PIK3C2G: variants seen among roughly 807,000 people sequenced by gnomAD.
PIK3C2G encodes the protein phosphatidylinositol-4-phosphate 3-kinase catalytic subunit type 2 gamma.
PIK3C2G carries 168 observed loss-of-function variants against 181.1 expected under a neutral mutation model. The ratio of observed to expected loss-of-function variants is 0.93; its 90% CI spans 0.82 to 1.05. The LOEUF is 1.05. Among genes scored for constraint, PIK3C2G ranks in the 50% least tolerant of loss-of-function variants. The pLI is 0.00. For synonymous variants in PIK3C2G, 573 were observed against 592.2 expected, an observed-to-expected ratio of 0.97 and a Z score of 0.47; for missense variants, 1,869 against 1,732.8, an observed-to-expected ratio of 1.08 and a Z score of -1.40.
At chr12:18,287,687 C>G (rs962666607) in intron 3 of PIK3C2G, among the ~76,000 whole-genome samples, 3 of 149,588 alleles carry the variant, frequency 2.0e-5, no homozygotes, top group Non-Finnish European at 4.4e-5. Flanking sequence ...GAGACCCTGT[C>G]TCTACTAAAA....
chr12:18,597,782 T>C (rs1444433872), intron 30 of PIK3C2G, among the ~76,000 whole-genome samples: 2 of 151,900 alleles, frequency 1.3e-5, no homozygotes, highest in African/African-American at 4.8e-5. Context: ...CTTAAGCTGA[T>C]AAGCAACTTC....
chr12:18,582,546 G>A (rs980616489), intron 29 of PIK3C2G, among the ~76,000 whole-genome samples: 2 of 152,128 alleles, frequency 1.3e-5, no homozygotes, highest in Non-Finnish European at 2.9e-5. Context: ...CAAAGCGAAA[G>A]GTTAGACTCC....
rs183464048 is a variant in PIK3C2G at position 18,470,078 on chromosome 12, C to A, written c.2505-18371C>A. ...ATTATATCTCCTCTTTTACTCCACA[C>A]ATCCTTCTGCTTCTGACCACAGTGG... On this transcript the variant is annotated intron_variant, in intron 18 of 32. Transcript: ENST00000538779. Among the ~76,000 whole-genome samples, 4 of 152,236 alleles carry A rather than the reference C, an allele frequency of 2.6e-5. No homozygotes were observed. The East Asian group carries it at 7.7e-4, about 29-fold the overall frequency.
the PIK3C2G span, chr12:18,684,201 T>G: frequency 6.2e-7 from 1 of 1,612,236 alleles, no homozygotes; most frequent in Non-Finnish European, 8.5e-7. Flanking sequence ...ACCTTGACCT[T>G]CAACAACAAA....
chr12:18,322,193 G>A (rs1951143842), intron 7 of PIK3C2G, among the ~76,000 whole-genome samples: 1 of 151,998 alleles, frequency 6.6e-6, no homozygotes, highest in Non-Finnish European at 1.5e-5. Flanking sequence ...GACCAGCCTG[G>A]CCAACACAGT....
At chr12:18,334,827 T>A (rs2137566601) in intron 8 of PIK3C2G, among the ~76,000 whole-genome samples, 1 of 152,242 alleles carries the variant, frequency 6.6e-6, no homozygotes, top group East Asian at 1.9e-4. Flanking sequence ...GATATTCCCC[T>A]CGTACTCTGG....
intron 29 of PIK3C2G, among the ~76,000 whole-genome samples, chr12:18,573,598 C>CCAGCAAAG (rs1401769562): frequency 6.6e-6 from 1 of 152,192 alleles, no homozygotes; most frequent in Non-Finnish European, 1.5e-5. Context: ...TGTTGGCTGT[C>CCAGCAAAG]TAACACTTTC....
In PIK3C2G at chr12:18,325,791, G is replaced by A. The variant is rs74070216; in HGVS notation, c.1272+693G>A. Reference sequence around the variant, plus strand: ...TTAGGAAACTATGACATTTGAAATGGCTGCAGTTAGTGTTCAAAGTTAGAG... The same window carrying A: ...TTAGGAAACTATGACATTTGAAATGACTGCAGTTAGTGTTCAAAGTTAGAG... On this transcript the variant is annotated intron_variant, in intron 8 of 32. Transcript: ENST00000538779. 9.2e-3 allele frequency among the ~76,000 whole-genome samples: 1,403 copies of A among 151,996 alleles called. 23 individuals carry two copies. Among genetic ancestry groups the A allele is most frequent in the African/African-American group, 0.032 (1,326 of 41,446 alleles).
chr12:18,725,527 G>A, the PIK3C2G span, among the ~76,000 whole-genome samples: 2 of 151,998 alleles, frequency 1.3e-5, no homozygotes, highest in East Asian at 3.9e-4. Context: ...CAGTATATAT[G>A]CAGAAATCAA....
intron 5 of PIK3C2G, among the ~76,000 whole-genome samples, chr12:18,299,606 C>A (rs574913056): frequency 1.3e-5 from 2 of 151,810 alleles, no homozygotes; most frequent in African/African-American, 2.4e-5. Context: ...AGGTAGGCAA[C>A]CTTGTCTTGT....
At chr12:18,348,956 G>A (rs187925221) in intron 11 of PIK3C2G, among the ~76,000 whole-genome samples, 81 of 152,168 alleles carry the variant, frequency 5.3e-4, no homozygotes, top group African/African-American at 1.9e-3. Context: ...ATATTGATGT[G>A]GTTATTGAAA....
the PIK3C2G span, among the ~76,000 whole-genome samples, chr12:18,716,820 T>C: frequency 3.9e-5 from 6 of 152,230 alleles, no homozygotes; most frequent in Non-Finnish European, 5.9e-5. Context: ...TATTTTCTAT[T>C]TGAAGTTGAA....
intron 16 of PIK3C2G, among the ~76,000 whole-genome samples, chr12:18,400,699 G>A (rs1457317042): frequency 6.6e-6 from 1 of 152,050 alleles, no homozygotes; most frequent in Non-Finnish European, 1.5e-5. Flanking sequence ...TCTGGGGTGG[G>A]TAAAGGGGAG....
intron 1 of PIK3C2G, among the ~76,000 whole-genome samples, chr12:18,253,816 A>G (rs1948117781): frequency 6.6e-6 from 1 of 152,010 alleles, no homozygotes; most frequent in Non-Finnish European, 1.5e-5. Flanking sequence ...GATTAGTGAT[A>G]AAACTAGCCA....
At chr12:18,630,846 G>A (rs1388036151) in intron 31 of PIK3C2G, among the ~76,000 whole-genome samples, 1 of 152,064 alleles carries the variant, frequency 6.6e-6, no homozygotes, top group Non-Finnish European at 1.5e-5. Flanking sequence ...CCTACCATGA[G>A]TAAGGAAGTC....
At chr12:18,301,414 CT>C (rs1047415984) in intron 5 of PIK3C2G, among the ~76,000 whole-genome samples, 2 of 151,130 alleles carry the variant, frequency 1.3e-5, no homozygotes, top group Non-Finnish European at 1.5e-5. Flanking sequence ...TATTGTTTTA[CT>C]TTTTTTTTGT....
At chr12:18,295,832 C>G (rs951549351) in intron 5 of PIK3C2G, among the ~76,000 whole-genome samples, 3 of 151,862 alleles carry the variant, frequency 2.0e-5, no homozygotes, top group Non-Finnish European at 1.5e-5. Context: ...TACTACTGTT[C>G]TAGCATCTAA....
the PIK3C2G span, among the ~76,000 whole-genome samples, chr12:18,660,436 G>T: frequency 6.6e-5 from 10 of 152,104 alleles, no homozygotes; most frequent in African/African-American, 2.2e-4. Flanking sequence ...ATCCAGGGGG[G>T]TTTAAAGGGC....
the PIK3C2G span, among the ~76,000 whole-genome samples, chr12:18,690,752 T>C: frequency 6.6e-6 from 1 of 151,900 alleles, no homozygotes; most frequent in Non-Finnish European, 1.5e-5. Context: ...AATAGGCAGG[T>C]AAGGCTGAAA....
Sources: allele counts gnomAD v4.1 joint callset (sites outside exome capture counted in the v4.1 genomes callset), GRCh38; gene constraint gnomAD v4.1.1; transcripts MANE v1.5; gene names NCBI Gene and HGNC (gene_info 2026-07-23, HGNC 2026-07-21).